The following LRR1 variants were observed in gnomAD, a reference collection of about 807,000 sequenced individuals.
LRR1 encodes leucine rich repeat protein 1.
Under a neutral mutation model 31.6 loss-of-function variants are expected in LRR1, and 29 were observed. The observed-to-expected ratio is 0.92, with a 90% confidence interval of 0.68 to 1.25. The LOEUF is 1.25. LRR1 is among the 50% of genes most tolerant of loss of function. The pLI is 0.00. For missense variants in LRR1, 485 were observed against 487.2 expected (o/e 1.00, Z 0.04); for synonymous variants, 179 against 181.4 (o/e 0.99, Z 0.10).
In LRR1 at chr14:49,605,513, C is replaced by T. The variant is rs141098777; in HGVS notation, c.283-1887C>T. On this transcript the variant is annotated intron_variant, in intron 2 of 3. Transcript: ENST00000298288. Reference sequence around the variant, plus strand: ...AGAGATCACTGATCTTTTCACTTGTCTATCACAGTATCATTATTTCTCATT... The same window carrying T: ...AGAGATCACTGATCTTTTCACTTGTTTATCACAGTATCATTATTTCTCATT... 1.2e-4 allele frequency among the ~76,000 whole-genome samples: 19 copies of T among 152,318 alleles called. No homozygotes were observed. The East Asian group carries it at 3.1e-3, about 25-fold the overall frequency.
At position 49,607,619 on chromosome 14, in the gene LRR1, C is replaced by G; in HGVS notation, c.502C>G (p.Arg168Gly). 1 of 1,614,154 alleles carries G rather than the reference C, an allele frequency of 6.2e-7. No homozygotes were observed. The highest frequency in any genetic ancestry group is 1.1e-5 in the South Asian group (1 of 91,080). The change falls in exon 3 of 4, where the codon CGA (arginine) becomes GGA (glycine). Residue 168 changes from arginine (R) to glycine (G), a missense_variant. Around this residue, in one of 3 missense-constraint regions of LRR1, gnomAD observed 260 missense variants for 249.6 expected, o/e 1.04. Transcript: ENST00000298288. ...HLQTSYCGLV[R>G]VDMRMLCLKS... ...TCAGACTTCTTACTGTGGGCTTGTCCGAGTTGATATGCGTATGCTTTGCTT... is the reference window on the plus strand; with the variant it reads ...TCAGACTTCTTACTGTGGGCTTGTCGGAGTTGATATGCGTATGCTTTGCTT...
At chr14:49,603,537 T>C (rs1029386832) in intron 2 of LRR1, 4 of 273,572 alleles carry the variant, frequency 1.5e-5, no homozygotes, top group African/African-American at 2.3e-5. Flanking sequence ...TTTTTTTTTT[T>C]TTTTTTTTTT....
At chr14:49,603,289 C>T (rs1472731508) in intron 2 of LRR1, among the ~76,000 whole-genome samples, 1 of 152,110 alleles carries the variant, frequency 6.6e-6, no homozygotes. Flanking sequence ...TCTAAAAGGG[C>T]AAAGTCTGCC....
At chr14:49,612,357 C>A in intron 3 of LRR1, 1 of 592,580 alleles carries the variant, frequency 1.7e-6, no homozygotes, top group Admixed American at 5.3e-5. Context: ...TGATAAATGG[C>A]TCTAACTACT....
intron 3 of LRR1, among the ~76,000 whole-genome samples, chr14:49,612,319 G>C (rs1782873751): frequency 6.6e-6 from 1 of 152,124 alleles, no homozygotes; most frequent in Non-Finnish European, 1.5e-5. Context: ...ATTTAAAGCT[G>C]TGACACCAAA....
chr14:49,612,606 C>T, intron 3 of LRR1: 2 of 1,122,562 alleles, frequency 1.8e-6, no homozygotes, highest in Non-Finnish European at 2.2e-6. Flanking sequence ...ATAGGGCCAT[C>T]CTAGATCCCG....
At chr14:49,612,651 G>A (rs1415204587) in intron 3 of LRR1, 2 of 1,042,714 alleles carry the variant, frequency 1.9e-6, no homozygotes, top group African/African-American at 1.7e-5. Flanking sequence ...TATTTGAAAT[G>A]TGTATCTTTT....
chr14:49,609,265 G>A (rs1169566026), intron 3 of LRR1, among the ~76,000 whole-genome samples: 2 of 111,334 alleles, frequency 1.8e-5, no homozygotes, highest in South Asian at 2.9e-4. Context: ...TCACTCTGTT[G>A]CCCAGGCTCG....
chr14:49,599,164 C>A lies in LRR1; in HGVS notation c.144C>A (p.Leu48=). The A allele has an allele frequency of 1.2e-6, 2 of 1,609,052 alleles. No homozygotes were observed. The highest frequency in any genetic ancestry group is 1.7e-6 in the Non-Finnish European group (2 of 1,177,996). ...RSQPPVRAFL[L]ISTLKDKRGT... Reference sequence around the variant, plus strand: ...AGCCGCCGGTCCGAGCCTTCCTGCTCATCTCCACCCTGAAGGACAAGCGCG... The same window carrying A: ...AGCCGCCGGTCCGAGCCTTCCTGCTAATCTCCACCCTGAAGGACAAGCGCG... The change falls in exon 1 of 4, where the codon CTC becomes CTA. Residue 48 remains leucine (L), a synonymous_variant. Coordinates refer to ENST00000298288, the MANE Select transcript of LRR1 (RefSeq NM_152329.4).
intron 1 of LRR1, chr14:49,600,361 T>C (rs1882008130): frequency 2.6e-6 from 4 of 1,567,434 alleles, no homozygotes; most frequent in Non-Finnish European, 2.6e-6. Flanking sequence ...GGAGCTCAGA[T>C]TGATCTCCGA....
At chr14:49,611,022 A>G (rs1049979300) in intron 3 of LRR1, among the ~76,000 whole-genome samples, 26 of 152,256 alleles carry the variant, frequency 1.7e-4, no homozygotes, top group African/African-American at 5.5e-4. Flanking sequence ...GAACTGGAAA[A>G]CTGTACACAT....
intron 2 of LRR1, chr14:49,603,760 C>T: frequency 3.3e-6 from 3 of 916,070 alleles, no homozygotes; most frequent in African/African-American, 2.0e-5. Flanking sequence ...GTGGCGTGAT[C>T]TCAGCTCACT....
In LRR1 at chr14:49,607,839, T is replaced by C; in HGVS notation, c.722T>C (p.Leu241Pro). 3.1e-6 allele frequency: 5 copies of C among 1,614,104 alleles called. No homozygotes were observed. The highest frequency in any genetic ancestry group is 4.2e-6 in the Non-Finnish European group (5 of 1,179,978). The change falls in exon 3 of 4, where the codon CTC (leucine) becomes CCC (proline). Residue 241 changes from leucine (L) to proline (P), a missense_variant. Physicochemically the swap from Leu to Pro is moderately conservative, Grantham distance 98. Transcript: ENST00000298288. ...CTCAGCAAGAACAAAATCAAGGCAC[T>C]CCCTGTGCAGTTTTGCCAGCTCCAG... ...LDLSKNKIKA[L>P]PVQFCQLQEL...
chr14:49,613,476 G>A (rs1338230965), intron 3 of LRR1, among the ~76,000 whole-genome samples: 4 of 150,794 alleles, frequency 2.7e-5, no homozygotes, highest in Admixed American at 2.0e-4. Flanking sequence ...CTGCACTCCA[G>A]TCTGGGCAAC....
chr14:49,600,634 G>A, intron 1 of LRR1: 4 of 1,487,250 alleles, frequency 2.7e-6, no homozygotes, highest in South Asian at 1.3e-5. Flanking sequence ...CAGTGGCCAA[G>A]GAAACTGTCC....
chr14:49,601,586 G>C, intron 1 of LRR1: 1 of 1,278,356 alleles, frequency 7.8e-7, no homozygotes, highest in Non-Finnish European at 1.0e-6. Flanking sequence ...CTGCTCTCAT[G>C]GAGTTTGTAT....
In LRR1 at chr14:49,608,139, A is replaced by G. The variant is rs1040604294; in HGVS notation, c.1004+18A>G. The G allele has an allele frequency of 3.9e-6, 6 of 1,528,598 alleles. No individual in the cohort carries two copies. The highest frequency in any genetic ancestry group is 2.3e-4 in the Middle Eastern group (1 of 4,312). 94.7% of individuals were successfully genotyped at this position (1,528,598 alleles called of 1,614,324 possible). On this transcript the variant is annotated intron_variant, in intron 3 of 3. Transcript: ENST00000298288. Reference sequence around the variant, plus strand: ...CATAATAGGTAAGATTTTAATAGTCATGTAATGTGGTGTCTTTGATAGCAT... The same window carrying G: ...CATAATAGGTAAGATTTTAATAGTCGTGTAATGTGGTGTCTTTGATAGCAT...
At position 49,608,072 on chromosome 14, in the gene LRR1, G is replaced by A; in HGVS notation, c.955G>A (p.Ala319Thr). ...PKVLPVIKLQ[A>T]PLTLLESSAR... ...AGTCCTTCCAGTAATAAAGCTGCAA[G>A]CACCATTAACTTTATTGGAATCTTC... Residue 319 changes from alanine (A) to threonine (T), a missense_variant, in exon 3 of 4, where the codon GCA becomes ACA. Physicochemically the swap from Ala to Thr is moderately conservative, Grantham distance 58 (BLOSUM62 0). Coordinates refer to ENST00000298288, the MANE Select transcript of LRR1 (RefSeq NM_152329.4). 1.2e-6 allele frequency: 2 copies of A among 1,606,558 alleles called. No individual in the cohort carries two copies. The highest frequency in any genetic ancestry group is 1.3e-5 in the African/African-American group (1 of 74,394).
chr14:49,608,080 A>T lies in LRR1; in HGVS notation c.963A>T (p.Leu321Phe). ...VLPVIKLQAP[L>F]TLLESSARTI... ...CAGTAATAAAGCTGCAAGCACCATT[A>T]ACTTTATTGGAATCTTCTGCACGAA... The change falls in exon 3 of 4, where the codon TTA becomes TTT. Residue 321 changes from leucine (L) to phenylalanine (F), a missense_variant. This residue lies in a region of LRR1 where 210 missense variants were observed against 200.4 expected (regional missense o/e 1.05). Transcript: ENST00000298288. The T allele has an allele frequency of 6.2e-7, 1 of 1,602,174 alleles. No individual in the cohort carries two copies. Among genetic ancestry groups the T allele is most frequent in the Non-Finnish European group, 8.5e-7 (1 of 1,175,894 alleles).
Sources: gnomAD v4.1 joint callset for allele counts (sites outside exome capture counted in the v4.1 genomes callset) on GRCh38, gnomAD v4.1.1 for gene constraint, gnomAD v4.1.1 regional missense constraint, MANE v1.5 for transcripts, NCBI Gene and HGNC (gene_info 2026-07-23, HGNC 2026-07-21) for gene names.